Variants in KIAA0319 observed in about 807,000 individuals in gnomAD.
The protein encoded by KIAA0319 is KIAA0319, also known as dyslexia-associated protein KIAA0319.
In KIAA0319, 83 loss-of-function variants were observed where a neutral mutation model predicts 108.4. The observed-to-expected ratio is 0.77, with a 90% CI of 0.64 to 0.92. The LOEUF is 0.92. KIAA0319 is among the 40% of genes least tolerant of loss of function. The probability of loss-of-function intolerance (pLI) is 0.00; values close to 1 mark genes in which losing one functional copy is unlikely to be tolerated. For missense variants in KIAA0319, 1,195 were observed against 1,322.4 expected (o/e 0.90, Z 1.49); for synonymous variants, 484 against 510.4 (o/e 0.95, Z 0.70).
chr6:24,593,432 A>G (rs1431549813), intron 3 of KIAA0319, among the ~76,000 whole-genome samples: 2 of 122,850 alleles, frequency 1.6e-5, no homozygotes, highest in Non-Finnish European at 3.2e-5. Context: ...TCGCCCTGTC[A>G]CCCAGGCTGG....
intron 13 of KIAA0319, among the ~76,000 whole-genome samples, chr6:24,567,355 A>G (rs1764049479): frequency 6.6e-6 from 1 of 152,142 alleles, no homozygotes; most frequent in Non-Finnish European, 1.5e-5. Flanking sequence ...TTAAAAATTG[A>G]AATAATAACA....
intron 1 of KIAA0319, among the ~76,000 whole-genome samples, chr6:24,608,711 AC>A (rs915361766): frequency 2.0e-5 from 3 of 151,910 alleles, no homozygotes; most frequent in Non-Finnish European, 4.4e-5. Flanking sequence ...CGGGCGGATC[AC>A]GAGGTCAGGA....
At chr6:24,613,977 T>C (rs2127558164) in intron 1 of KIAA0319, among the ~76,000 whole-genome samples, 1 of 152,274 alleles carries the variant, frequency 6.6e-6, no homozygotes, top group East Asian at 1.9e-4. Flanking sequence ...CCCAAAACTA[T>C]CCTGTGGATA....
chr6:24,555,713 T>C (rs1343277402), intron 18 of KIAA0319, among the ~76,000 whole-genome samples: 3 of 152,092 alleles, frequency 2.0e-5, no homozygotes, highest in African/African-American at 7.2e-5. Context: ...AATATAGTTT[T>C]CTCCCCAGAA....
At position 24,588,662 on chromosome 6, in the gene KIAA0319, T is replaced by C. The variant is rs1335682497; in HGVS notation, c.925A>G (p.Thr309Ala). The C allele has an allele frequency of 6.2e-7, 1 of 1,614,006 alleles. No homozygotes were observed. Among genetic ancestry groups the C allele is most frequent in the South Asian group, 1.1e-5 (1 of 91,070 alleles). Residue 309 changes from threonine to alanine, a missense_variant, in exon 4 of 21, where the codon ACT becomes GCT. Transcript: ENST00000378214. ...GTGGACTCAGAGGGGGCTGCGCTAG[T>C]GGGAGGTGTTGGGATGCTGTGCTCT... is the stretch of plus-strand genomic sequence containing the variant. Reference protein sequence around the residue: ...STEHSIPTPPTSAAPSESTPS... With the variant: ...STEHSIPTPPASAAPSESTPS...
At chr6:24,624,755 C>T (rs962314632) in intron 1 of KIAA0319, among the ~76,000 whole-genome samples, 1 of 152,118 alleles carries the variant, frequency 6.6e-6, no homozygotes, top group Non-Finnish European at 1.5e-5. Flanking sequence ...TCAGGTTCTG[C>T]CAATGAAATG....
At chr6:24,593,027 T>C (rs1477442933) in intron 3 of KIAA0319, among the ~76,000 whole-genome samples, 1 of 152,172 alleles carries the variant, frequency 6.6e-6, no homozygotes, top group Non-Finnish European at 1.5e-5. Flanking sequence ...ACTGGATACC[T>C]CTCCAGGTTA....
Position 24,546,830 on chromosome 6 carries a change from C to A in KIAA0319, c.*335G>T. 1 of 208,184 alleles carries A rather than the reference C, an allele frequency of 4.8e-6. No individual in the cohort carries two copies. The highest frequency in any genetic ancestry group is 9.8e-6 in the Non-Finnish European group (1 of 101,768). 12.9% of individuals were successfully genotyped at this position (208,184 alleles called of 1,614,324 possible). A position where few individuals can be genotyped will look rare whatever the true frequency, so the allele number is the denominator to read the frequency against. The stretch of plus-strand genomic sequence containing the variant: ...GACAGAAATCATCCCTTTTTAAAAC[C>A]TTGTTTCATTCACCTTCTCTAAGGT... On this transcript the variant is annotated 3_prime_UTR_variant, in exon 21 of 21. Transcript: ENST00000378214.
intron 20 of KIAA0319, among the ~76,000 whole-genome samples, chr6:24,549,340 A>AAG (rs1761107939): frequency 6.6e-6 from 1 of 151,422 alleles, no homozygotes; most frequent in Non-Finnish European, 1.5e-5. Context: ...AAAAAAAAAA[A>AAG]AAAAAGAGGC....
chr6:24,561,811 T>C (rs1471385967), intron 16 of KIAA0319, among the ~76,000 whole-genome samples: 1 of 152,154 alleles, frequency 6.6e-6, no homozygotes, highest in Admixed American at 6.5e-5. Context: ...CAAGCAATTA[T>C]CCTGCCTCAG....
intron 20 of KIAA0319, among the ~76,000 whole-genome samples, chr6:24,550,362 C>T (rs765146908): frequency 8.5e-5 from 13 of 152,210 alleles, no homozygotes; most frequent in Non-Finnish European, 1.3e-4. Flanking sequence ...ATGTTTTGCA[C>T]CTCACAACTC....
intron 10 of KIAA0319, among the ~76,000 whole-genome samples, chr6:24,573,623 C>T (rs890227234): frequency 2.0e-5 from 3 of 152,180 alleles, no homozygotes; most frequent in Non-Finnish European, 4.4e-5. Flanking sequence ...CATGTACATA[C>T]GCACACTTAC....
chr6:24,627,935 A>C (rs771281092), intron 1 of KIAA0319, among the ~76,000 whole-genome samples: 1 of 152,242 alleles, frequency 6.6e-6, no homozygotes, highest in Non-Finnish European at 1.5e-5. Flanking sequence ...AGAATGCTGA[A>C]GACATGTCCT....
intron 1 of KIAA0319, among the ~76,000 whole-genome samples, chr6:24,611,371 C>T (rs962552001): frequency 3.3e-5 from 5 of 151,674 alleles, no homozygotes; most frequent in East Asian, 3.9e-4. Context: ...TAGTGGCGGG[C>T]GCCTGTAGTC....
At chr6:24,629,673 AC>A (rs1775259767) in intron 1 of KIAA0319, among the ~76,000 whole-genome samples, 1 of 152,094 alleles carries the variant, frequency 6.6e-6, no homozygotes, top group South Asian at 2.1e-4. Context: ...TATGAAACAA[AC>A]CTTGTGACTG....
At chr6:24,568,992 T>A in intron 12 of KIAA0319, 63 bp from the exon 13 acceptor site, 1 of 1,499,484 alleles carries the variant, frequency 6.7e-7, no homozygotes, top group Non-Finnish European at 9.2e-7. Context: ...ATGACAGGCA[T>A]GCGATTTGTG....
chr6:24,547,276 G>A lies in KIAA0319; in HGVS notation c.3108C>T (p.Asp1036=). The A allele has an allele frequency of 6.2e-7, 1 of 1,614,120 alleles. No individual in the cohort carries two copies. The highest frequency in any genetic ancestry group is 8.5e-7 in the Non-Finnish European group (1 of 1,179,982). ...LMVSESEFDS[D]QDTIFSREKM... is the part of the protein sequence containing the mutation. The stretch of plus-strand genomic sequence containing the variant: ...TTTCTCGGCTGAAGATTGTGTCCTG[G>A]TCACTGTCAAACTCAGACTCGGATA... Residue 1036 remains aspartate (D), a synonymous_variant, in exon 21 of 21, where the codon GAC becomes GAT. Transcript: ENST00000378214.
At chr6:24,611,581 T>C in intron 1 of KIAA0319, among the ~76,000 whole-genome samples, 1 of 152,164 alleles carries the variant, frequency 6.6e-6, no homozygotes, top group East Asian at 1.9e-4. Flanking sequence ...AAAATCACCA[T>C]AAGCACAGTA....
At position 24,544,523 on chromosome 6, in the gene KIAA0319, G is replaced by A. The variant is rs542423950; in HGVS notation, c.*2642C>T. The A allele has an allele frequency of 2.6e-5, 4 of 152,280 alleles. No homozygotes were observed. The South Asian group carries it at 8.3e-4, about 32-fold the overall frequency. The allele number at this position is 152,280 out of a possible 1,614,324, so 9.4% of individuals were successfully genotyped here. ...CTCTCCTCCCCGCGCACAAAAGGTG[G>A]CATCACTGGCTTGTTGAGTGGTACA... On this transcript the variant is annotated 3_prime_UTR_variant, in exon 21 of 21. Coordinates refer to ENST00000378214, the MANE Select transcript of KIAA0319 (RefSeq NM_014809.4).
Sources: allele counts gnomAD v4.1 joint callset (sites outside exome capture counted in the v4.1 genomes callset), GRCh38; gene constraint gnomAD v4.1.1; transcripts MANE v1.5; gene names NCBI Gene and HGNC (gene_info 2026-07-23, HGNC 2026-07-21).